Variants in SRGAP3 observed in about 807,000 individuals in gnomAD.
SRGAP3 encodes the protein SLIT-ROBO Rho GTPase-activating protein 3.
In SRGAP3, 39 loss-of-function variants were observed where a neutral mutation model predicts 121.1. The observed-to-expected ratio is 0.32, with a 90% CI of 0.25 to 0.42. The LOEUF is 0.42. Ranked by LOEUF, SRGAP3 falls within the 10% of genes least tolerant of loss-of-function variation. SRGAP3 has a pLI of 1.00. For synonymous variants in SRGAP3, 601 were observed against 570.0 expected, an observed-to-expected ratio of 1.05 and a Z score of -0.77; for missense variants, 1,213 against 1,470.6, an observed-to-expected ratio of 0.82 and a Z score of 2.86.
At chr3:9,217,767 C>T (rs910757093) in intron 1 of SRGAP3, 1 of 152,068 alleles carries the variant, frequency 6.6e-6, no homozygotes, top group Admixed American at 6.6e-5. Context: ...GATCCAGGGA[C>T]CTTTAGGGCA....
At chr3:9,066,004 G>T (rs1255858119) in intron 4 of SRGAP3, among the ~76,000 whole-genome samples, 1 of 152,036 alleles carries the variant, frequency 6.6e-6, no homozygotes, top group East Asian at 1.9e-4. Flanking sequence ...TTGCCATGTT[G>T]TCCAAGCTCG....
intron 18 of SRGAP3, among the ~76,000 whole-genome samples, chr3:9,005,479 T>C (rs1370786416): frequency 3.8e-5 from 5 of 131,616 alleles, no homozygotes; most frequent in South Asian, 4.8e-4. Flanking sequence ...TGCACACACA[T>C]GTTTGCAGCA....
chr3:9,347,995 A>G (rs1256750613), intron 1 of SRGAP3, among the ~76,000 whole-genome samples: 1 of 152,230 alleles, frequency 6.6e-6, no homozygotes, highest in Non-Finnish European at 1.5e-5. Context: ...CAGGCACTAG[A>G]AACACCCACA....
chr3:9,147,441 A>G (rs1292965415), intron 1 of SRGAP3, among the ~76,000 whole-genome samples: 1 of 152,168 alleles, frequency 6.6e-6, no homozygotes, highest in Non-Finnish European at 1.5e-5. Flanking sequence ...TAGGACTGGG[A>G]AACGGTGGTT....
chr3:9,061,848 A>G (rs1461199754), intron 5 of SRGAP3, among the ~76,000 whole-genome samples: 1 of 152,192 alleles, frequency 6.6e-6, no homozygotes, highest in Non-Finnish European at 1.5e-5. Context: ...CAGCCTGGGA[A>G]TGGAGCAGGA....
At chr3:9,011,824 G>T (rs1943394130) in intron 17 of SRGAP3, among the ~76,000 whole-genome samples, 1 of 152,132 alleles carries the variant, frequency 6.6e-6, no homozygotes, top group Non-Finnish European at 1.5e-5. Flanking sequence ...TGGTTTTGAA[G>T]ACTCCAAAAT....
upstream of SRGAP3, among the ~76,000 whole-genome samples, chr3:9,250,786 C>A (rs924825334): frequency 6.6e-6 from 1 of 152,148 alleles, no homozygotes; most frequent in African/African-American, 2.4e-5. Flanking sequence ...ACCAGCCTTC[C>A]AACCCAGGCT....
intron 1 of SRGAP3, among the ~76,000 whole-genome samples, chr3:9,157,526 C>T (rs1295498473): frequency 2.6e-5 from 4 of 152,172 alleles, no homozygotes; most frequent in African/African-American, 9.7e-5. Context: ...ACTGTCTAAG[C>T]ACTTTACACA....
chr3:9,141,231 A>C (rs1173393275), intron 1 of SRGAP3, among the ~76,000 whole-genome samples: 2 of 152,180 alleles, frequency 1.3e-5, no homozygotes, highest in Non-Finnish European at 2.9e-5. Context: ...CCAGCCAGGG[A>C]CAGAGCCACT....
At chr3:9,273,600 A>G (rs1260534218) in intron 3 of SRGAP3, among the ~76,000 whole-genome samples, 1 of 152,152 alleles carries the variant, frequency 6.6e-6, no homozygotes, top group Non-Finnish European at 1.5e-5. Flanking sequence ...ATTTTGATGT[A>G]GTCCGATTTA....
At chr3:9,329,810 C>T (rs1192723923) in intron 2 of SRGAP3, among the ~76,000 whole-genome samples, 7 of 152,018 alleles carry the variant, frequency 4.6e-5, no homozygotes, top group South Asian at 2.1e-4. Flanking sequence ...CCATGTCCCA[C>T]GATCCTGTAC....
chr3:9,063,941 G>C (rs1474947651), intron 5 of SRGAP3, among the ~76,000 whole-genome samples: 3 of 152,162 alleles, frequency 2.0e-5, no homozygotes, highest in African/African-American at 7.2e-5. Context: ...CCCTTCACCA[G>C]CTTTCCAGGT....
intron 11 of SRGAP3, 89 bp from the exon 12 acceptor site, chr3:9,032,841 G>A: frequency 1.7e-6 from 2 of 1,199,032 alleles, no homozygotes; most frequent in South Asian, 2.5e-5. Flanking sequence ...ACGACTAAAG[G>A]GGAACACAAA....
intron 1 of SRGAP3, among the ~76,000 whole-genome samples, chr3:9,231,160 T>C (rs1270204817): frequency 6.6e-6 from 1 of 152,160 alleles, no homozygotes; most frequent in Non-Finnish European, 1.5e-5. Flanking sequence ...AGGTCTGGGG[T>C]GGAAGCCAAA....
At chr3:9,045,149 T>C (rs1191138083) in intron 10 of SRGAP3, among the ~76,000 whole-genome samples, 1 of 151,772 alleles carries the variant, frequency 6.6e-6, no homozygotes, top group Non-Finnish European at 1.5e-5. Flanking sequence ...CTTCCCAACT[T>C]TTCTGTAGCT....
At chr3:8,995,054 A>G (rs1361358078) in intron 18 of SRGAP3, among the ~76,000 whole-genome samples, 1 of 152,142 alleles carries the variant, frequency 6.6e-6, no homozygotes, top group Non-Finnish European at 1.5e-5. Flanking sequence ...CCTCAAATCT[A>G]TATGTTGAAG....
rs375827507 is a variant in SRGAP3 at position 8,999,033 on chromosome 3, T to C, written c.2228-4510A>G. Among the ~76,000 whole-genome samples, 40 of 152,340 alleles carry C rather than the reference T, an allele frequency of 2.6e-4. No individual in the cohort carries two copies. In the South Asian group the frequency reaches 7.0e-3, roughly 27 times the overall value. On this transcript the variant is annotated intron_variant, in intron 18 of 21. Coordinates refer to ENST00000383836, the MANE Select transcript of SRGAP3 (RefSeq NM_014850.4). ...GGTCTTTGCATCTGTACAGTGTAAATTGACTATATAGATATACAATGCTCT... is the reference window on the plus strand; with the variant it reads ...GGTCTTTGCATCTGTACAGTGTAAACTGACTATATAGATATACAATGCTCT...
chr3:9,353,597 G>A (rs2030316943), intron 1 of SRGAP3, among the ~76,000 whole-genome samples: 1 of 152,252 alleles, frequency 6.6e-6, no homozygotes, highest in Non-Finnish European at 1.5e-5. Context: ...CCCTTGGCTT[G>A]AAAGGGCACG....
At position 9,027,599 on chromosome 3, in the gene SRGAP3, C is replaced by G. The variant is rs1400010725; in HGVS notation, c.1540-604G>C. ...AGCTCTAGAGGCAGCCGATGTCAGC[C>G]ATTGGCCATCCAGGGGCCAACCTTA... On this transcript the variant is annotated intron_variant, in intron 12 of 21. Transcript: ENST00000383836. 1.9e-4 allele frequency among the ~76,000 whole-genome samples: 29 copies of G among 152,202 alleles called. 1 individual carries two copies. Among genetic ancestry groups the G allele is most frequent in the Admixed American group, 1.9e-3 (29 of 15,284 alleles).
Sources: gnomAD v4.1 joint callset for allele counts (sites outside exome capture counted in the v4.1 genomes callset) on GRCh38, gnomAD v4.1.1 for gene constraint, MANE v1.5 for transcripts, NCBI Gene and HGNC (gene_info 2026-07-23, HGNC 2026-07-21) for gene names.